The following MARCHF1 variants were observed in gnomAD, a reference collection of about 807,000 sequenced individuals.
MARCHF1 encodes the protein E3 ubiquitin-protein ligase MARCHF1.
A neutral mutation model predicts 54.2 loss-of-function variants in MARCHF1; 40 were observed. The ratio of observed to expected loss-of-function variants is 0.74; its 90% CI spans 0.57 to 0.96. MARCHF1 has a LOEUF of 0.96. Ranked by LOEUF, MARCHF1 falls within the 40% of genes least tolerant of loss-of-function variation. The pLI is 0.00. For missense variants in MARCHF1, 586 were observed against 656.5 expected, an observed-to-expected ratio of 0.89 and a Z score of 1.17; for synonymous variants, 236 against 236.3, an observed-to-expected ratio of 1.00 and a Z score of 0.01.
intron 3 of MARCHF1, among the ~76,000 whole-genome samples, chr4:163,890,892 GT>G (rs538178596): frequency 7.4e-5 from 11 of 149,478 alleles, no homozygotes; most frequent in South Asian, 4.2e-4. Flanking sequence ...TCAAACCTCA[GT>G]TTTTTTTTTT....
At chr4:163,745,154 CCAGGCTGTAGTGCAGTGGCACGATCT>C (rs1746320687) in intron 4 of MARCHF1, among the ~76,000 whole-genome samples, 1 of 150,642 alleles carries the variant, frequency 6.6e-6, no homozygotes, top group Admixed American at 6.6e-5. Flanking sequence ...ACTCTGTCAC[CCAGGCTGTAGTGCAGTGGCACGATCT>C]CAGCTCATGG....
At chr4:164,085,130 T>C (rs939439976) in intron 2 of MARCHF1, among the ~76,000 whole-genome samples, 2 of 151,838 alleles carry the variant, frequency 1.3e-5, no homozygotes, top group African/African-American at 4.8e-5. Context: ...AGTTGACATA[T>C]ATCCCAAAGT....
At chr4:163,645,188 A>G (rs1284699059) in intron 5 of MARCHF1, among the ~76,000 whole-genome samples, 1 of 152,148 alleles carries the variant, frequency 6.6e-6, no homozygotes. Context: ...GGTCCTGAAG[A>G]TAGTTCAGTC....
At chr4:163,736,249 T>C (rs1255217447) in intron 4 of MARCHF1, among the ~76,000 whole-genome samples, 2 of 151,950 alleles carry the variant, frequency 1.3e-5, no homozygotes, top group Non-Finnish European at 2.9e-5. Context: ...TTAAGTAAAA[T>C]AGGGGTTACT....
At position 164,245,225 on chromosome 4, in the gene MARCHF1, A is replaced by C. The variant is rs1397379388; in HGVS notation, c.-322-133563T>G. On this transcript the variant is annotated intron_variant, in intron 1 of 9. Transcript: ENST00000514618. ...AAATCCCCAATAAAATACTGGCAAAATGAATCCAGCAGCACATCAAAAAGC... is the reference window on the plus strand; with the variant it reads ...AAATCCCCAATAAAATACTGGCAAACTGAATCCAGCAGCACATCAAAAAGC... Among the ~76,000 whole-genome samples the C allele has an allele frequency of 6.6e-5, 10 of 152,274 alleles. No individual in the cohort carries two copies. The East Asian group carries it at 1.5e-3, about 23-fold the overall frequency.
intron 4 of MARCHF1, among the ~76,000 whole-genome samples, chr4:163,810,186 A>G (rs533326738): frequency 1.3e-5 from 2 of 152,160 alleles, no homozygotes; most frequent in African/African-American, 2.4e-5. Flanking sequence ...ATAAAGTGAA[A>G]GAGGAGGAAA....
chr4:163,819,253 C>A (rs1748627065), intron 4 of MARCHF1, among the ~76,000 whole-genome samples: 1 of 152,164 alleles, frequency 6.6e-6, no homozygotes, highest in African/African-American at 2.4e-5. Context: ...AAGCCTTTCA[C>A]TTACTTTGCT....
intron 3 of MARCHF1, among the ~76,000 whole-genome samples, chr4:163,932,216 C>A (rs1751692701): frequency 6.6e-6 from 1 of 151,972 alleles, no homozygotes; most frequent in South Asian, 2.1e-4. Context: ...GTTGACTGAC[C>A]ATGATGGTGT....
At chr4:163,782,297 G>C (rs947719004) in intron 4 of MARCHF1, among the ~76,000 whole-genome samples, 22 of 152,130 alleles carry the variant, frequency 1.4e-4, no homozygotes, top group Non-Finnish European at 4.4e-5. Flanking sequence ...CTAAACAATG[G>C]AAAAAGTCAC....
intron 1 of MARCHF1, among the ~76,000 whole-genome samples, chr4:164,220,796 TGAAAA>T (rs996896107): frequency 6.7e-6 from 1 of 148,802 alleles, no homozygotes; most frequent in Non-Finnish European, 1.5e-5. Flanking sequence ...TAATACTTTC[TGAAAA>T]GTATTAAAAA....
intron 1 of MARCHF1, among the ~76,000 whole-genome samples, chr4:164,175,142 A>G (rs1432714500): frequency 6.6e-6 from 1 of 152,232 alleles, no homozygotes; most frequent in East Asian, 1.9e-4. Flanking sequence ...AGTAAAGATA[A>G]TATATGTCTA....
At chr4:164,256,318 C>T (rs1733278545) in intron 1 of MARCHF1, among the ~76,000 whole-genome samples, 1 of 150,052 alleles carries the variant, frequency 6.7e-6, no homozygotes, top group Non-Finnish European at 1.5e-5. Flanking sequence ...CACTGTTTTC[C>T]AAACCTCAGG....
intron 2 of MARCHF1, among the ~76,000 whole-genome samples, chr4:164,086,360 T>G (rs541291457): frequency 2.6e-5 from 4 of 152,042 alleles, no homozygotes; most frequent in African/African-American, 9.6e-5. Context: ...TGAGGAAAAC[T>G]TTTGTTTCAA....
intron 2 of MARCHF1, among the ~76,000 whole-genome samples, chr4:164,091,862 TTGTGTGTGTGTG>T (rs56160451): frequency 1.2e-3 from 173 of 148,646 alleles, no homozygotes; most frequent in African/African-American, 4.0e-3. Context: ...ATGTATACTT[TTGTGTGTGTGTG>T]TGTGTGTGTG....
chr4:163,878,776 A>G (rs552542038), intron 3 of MARCHF1, among the ~76,000 whole-genome samples: 50 of 152,308 alleles, frequency 3.3e-4, no homozygotes, highest in African/African-American at 1.1e-3. Context: ...TGTATCATCC[A>G]AAGTCAGTTT....
intron 5 of MARCHF1, among the ~76,000 whole-genome samples, chr4:163,632,931 A>T (rs1254428666): frequency 6.6e-6 from 1 of 151,998 alleles, no homozygotes; most frequent in African/African-American, 2.4e-5. Flanking sequence ...TCAAGTGGGT[A>T]CCTGACCCCT....
intron 1 of MARCHF1, among the ~76,000 whole-genome samples, chr4:164,264,784 G>A (rs1733563270): frequency 1.3e-5 from 2 of 151,978 alleles, no homozygotes; most frequent in African/African-American, 4.8e-5. Context: ...GCTGGATGTG[G>A]TGGCAGGCAC....
At chr4:163,853,852 T>A (rs1749700566) in intron 4 of MARCHF1, among the ~76,000 whole-genome samples, 169 bp downstream of exon 4, 1 of 152,238 alleles carries the variant, frequency 6.6e-6, no homozygotes, top group African/African-American at 2.4e-5. Context: ...ACTAAGGTAT[T>A]TTTATTAGTT....
At chr4:164,091,865 TG>T (rs1553980560) in intron 2 of MARCHF1, among the ~76,000 whole-genome samples, 1 of 1,590 alleles carries the variant, frequency 6.3e-4, no homozygotes, top group Admixed American at 6.1e-3. Context: ...TATACTTTTG[TG>T]TGTGTGTGTG....
Sources: allele counts gnomAD v4.1 joint callset (sites outside exome capture counted in the v4.1 genomes callset), GRCh38; gene constraint gnomAD v4.1.1; transcripts MANE v1.5; gene names NCBI Gene and HGNC (gene_info 2026-07-23, HGNC 2026-07-21).